Variants in BAHCC1 observed in about 807,000 individuals in gnomAD.
BAHCC1 encodes BAH domain and coiled-coil containing 1.
A neutral mutation model predicts 88.2 loss-of-function variants in BAHCC1; 43 were observed. That is an observed-to-expected ratio of 0.49 (90% CI 0.38 to 0.63). The LOEUF (loss-of-function observed/expected upper bound fraction) is 0.63, where lower values mean the gene tolerates loss of function less well. Ranked by LOEUF, BAHCC1 falls within the 20% of genes least tolerant of loss-of-function variation. The pLI is 0.00. For missense variants in BAHCC1, 3,023 were observed against 1,654.8 expected (o/e 1.83, Z -14.34); for synonymous variants, 1,510 against 745.5 (o/e 2.03, Z -16.71).
chr17:81,460,732 C>G, intron 25 of BAHCC1, 26 bp downstream of exon 25: 1 of 775,960 alleles, frequency 1.3e-6, no homozygotes, highest in South Asian at 1.3e-5. Context: ...TCCCAGAATC[C>G]GGATCGGGGA....
intron 3 of BAHCC1, among the ~76,000 whole-genome samples, chr17:81,429,058 C>T (rs1240254806): frequency 6.6e-6 from 1 of 152,204 alleles, no homozygotes; most frequent in Non-Finnish European, 1.5e-5. Context: ...GGAGGTTCAC[C>T]TGTCCACCCT....
intron 4 of BAHCC1, among the ~76,000 whole-genome samples, chr17:81,440,602 G>A (rs980917195): frequency 6.6e-6 from 1 of 152,192 alleles, no homozygotes; most frequent in African/African-American, 2.4e-5. Context: ...CACCCCCAGG[G>A]TCCCCAGAGG....
In BAHCC1 at chr17:81,444,684, C is replaced by T. The variant is rs782616891; in HGVS notation, c.2529C>T (p.Ala843=). 6 of 774,476 alleles carry T rather than the reference C, an allele frequency of 7.7e-6. No individual in the cohort carries two copies. The highest frequency in any genetic ancestry group is 1.2e-5 in the Non-Finnish European group (5 of 417,644). The allele number at this position is 774,476 out of a possible 1,614,324, so 48.0% of individuals were successfully genotyped here. A position where few individuals can be genotyped will look rare whatever the true frequency, so the allele number is the denominator to read the frequency against. Residue 843 remains alanine (A), a synonymous_variant, in exon 8 of 28, where the codon GCC becomes GCT. Coordinates refer to ENST00000675386, the MANE Select transcript of BAHCC1 (RefSeq NM_001377448.1). The part of the protein sequence containing the change: ...GGHSYGLGHP[A]LHQNLPPGFP... ...GCCTCCCAGGCCTGGGGCACCCTGC[C>T]CTGCACCAGAACCTGCCCCCCGGCT...
chr17:81,440,163 A>AGCCCCGCAG (rs1555652275), intron 4 of BAHCC1, among the ~76,000 whole-genome samples: 1 of 152,184 alleles, frequency 6.6e-6, no homozygotes, highest in Admixed American at 6.5e-5. Flanking sequence ...CCCAGAGGAC[A>AGCCCCGCAG]GCCCCGCAGG....
chr17:81,446,097 G>T (rs1555654260), intron 10 of BAHCC1, among the ~76,000 whole-genome samples: 3 of 152,094 alleles, frequency 2.0e-5, no homozygotes, highest in Non-Finnish European at 1.5e-5. Context: ...TGGGTGGGGG[G>T]GTCTCGGGCC....
intron 4 of BAHCC1, among the ~76,000 whole-genome samples, chr17:81,441,256 T>C (rs1290141491): frequency 1.3e-5 from 2 of 152,132 alleles, no homozygotes; most frequent in African/African-American, 4.8e-5. Flanking sequence ...GTTCTGGCCA[T>C]GGATGCTCGT....
chr17:81,398,202 G>A (rs967061815), intron 1 of BAHCC1, among the ~76,000 whole-genome samples: 4 of 152,230 alleles, frequency 2.6e-5, no homozygotes, highest in African/African-American at 4.8e-5. Context: ...GGAGTAATAT[G>A]TGAAGTGCGT....
intron 2 of BAHCC1, chr17:81,407,448 C>T (rs1020318804): frequency 1.4e-5 from 7 of 514,040 alleles, no homozygotes; most frequent in Non-Finnish European, 2.7e-5. Flanking sequence ...TCCCCTGAGA[C>T]TTCTGCAACC....
chr17:81,448,053 G>A (rs1295828020), intron 11 of BAHCC1, among the ~76,000 whole-genome samples: 4 of 152,202 alleles, frequency 2.6e-5, no homozygotes, highest in South Asian at 2.1e-4. Flanking sequence ...GAATCTCTCC[G>A]TCCCAGGTGG....
chr17:81,403,937 G>A (rs1016136629), intron 2 of BAHCC1, among the ~76,000 whole-genome samples: 4 of 152,238 alleles, frequency 2.6e-5, no homozygotes, highest in African/African-American at 9.6e-5. Flanking sequence ...ATCCCGGTAC[G>A]GAGCCGCCGC....
chr17:81,442,845 C>T lies in BAHCC1; in HGVS notation c.1496C>T (p.Ser499Phe), dbSNP rs2064448533. Residue 499 changes from serine to phenylalanine, a missense_variant, in exon 5 of 28, where the codon TCT becomes TTT. Coordinates refer to ENST00000675386, the MANE Select transcript of BAHCC1 (RefSeq NM_001377448.1). ...DKSGYFELPT[S>F]SQDCARPGHQ... is the part of the protein sequence containing the mutation. ...AGCGGCTACTTCGAGTTGCCCACCT[C>T]TTCACAGGACTGTGCCCGGCCTGGT... The T allele has an allele frequency of 1.3e-6, 1 of 779,408 alleles. No homozygotes were observed. The highest frequency in any genetic ancestry group is 1.7e-5 in the African/African-American group (1 of 59,164). 48.3% of individuals were successfully genotyped at this position (779,408 alleles called of 1,614,324 possible).
rs1257499204 is a variant in BAHCC1, at chr17:81,462,637, G to GACTCAC, written c.7384-94_7384-89dup. ...TGGGCGCCCTGCACACTCACACTCA[G>GACTCAC]ACTCACACTCACACCCACACCACAC... is the stretch of plus-strand genomic sequence containing the variant. On this transcript the variant is annotated intron_variant, in intron 26 of 27. Transcript: ENST00000675386. 5 of 651,140 alleles carry GACTCAC rather than the reference G, an allele frequency of 7.7e-6. No individual in the cohort carries two copies. The East Asian group carries it at 1.3e-4, about 17-fold the overall frequency. The allele number at this position is 651,140 out of a possible 1,614,324, so 40.3% of individuals were successfully genotyped here.
rs557319760 is a variant in BAHCC1, at chr17:81,435,671, C to G, written c.359-2699C>G. On this transcript the variant is annotated intron_variant, in intron 3 of 27. Transcript: ENST00000675386. The surrounding 1 kb of genome is among the most constrained non-coding windows in gnomAD (Gnocchi z 4.4). ...GCTGAGCCCTCTTGGTCTCTGGCCC[C>G]GGAATGTCCCCTCCCTGCCATCTGG... 6.6e-6 allele frequency among the ~76,000 whole-genome samples: 1 copy of G among 152,076 alleles called. No individual in the cohort carries two copies. Among genetic ancestry groups the G allele is most frequent in the African/African-American group, 2.4e-5 (1 of 41,384 alleles).
rs983156320 is a variant in BAHCC1 at position 81,434,705 on chromosome 17, T to C, written c.359-3665T>C. ...TCCTGAGAGACCCAGGAGCAGCCCC[T>C]GGTTTTCCACGGCAGGGATGCTCCC... On this transcript the variant is annotated intron_variant, in intron 3 of 27. Coordinates refer to ENST00000675386, the MANE Select transcript of BAHCC1 (RefSeq NM_001377448.1). This position sits in a 1 kb window ranked among gnomAD's most constrained non-coding sequence, Gnocchi z 4.9. Among the ~76,000 whole-genome samples, 63 of 152,128 alleles carry C rather than the reference T, an allele frequency of 4.1e-4. No individual in the cohort carries two copies. The highest frequency in any genetic ancestry group is 1.4e-3 in the African/African-American group (59 of 41,488).
In BAHCC1 at chr17:81,434,560, G is replaced by A. The variant is rs2064310527; in HGVS notation, c.359-3810G>A. Among the ~76,000 whole-genome samples, 1 of 152,142 alleles carries A rather than the reference G, an allele frequency of 6.6e-6. No individual in the cohort carries two copies. The highest frequency in any genetic ancestry group is 1.5e-5 in the Non-Finnish European group (1 of 68,000). On this transcript the variant is annotated intron_variant, in intron 3 of 27. Transcript: ENST00000675386. The surrounding 1 kb of genome is among the most constrained non-coding windows in gnomAD (Gnocchi z 4.9). ...GGCCCTGAGCTCTGTGGCCCCAAGT[G>A]GGGCTTCCTGGGTGACCCTGCAGTG...
intron 6 of BAHCC1, 132 bp downstream of exon 6, chr17:81,444,049 T>C (rs927074175): frequency 1.1e-4 from 68 of 636,012 alleles, no homozygotes; most frequent in Middle Eastern, 8.2e-4. Flanking sequence ...GTGGGTGGGG[T>C]TCTCCCCACC....
At chr17:81,419,096 A>G (rs1208834694) in intron 2 of BAHCC1, among the ~76,000 whole-genome samples, 11 of 151,952 alleles carry the variant, frequency 7.2e-5, no homozygotes, top group African/African-American at 2.7e-4. Flanking sequence ...GAGCCTGCAA[A>G]CACCTGCACA....
rs578138049 is a variant in BAHCC1 at position 81,435,298 on chromosome 17, G to A, written c.359-3072G>A. On this transcript the variant is annotated intron_variant, in intron 3 of 27. Transcript: ENST00000675386. The surrounding 1 kb of genome is among the most constrained non-coding windows in gnomAD (Gnocchi z 4.4). ...TTTACTAACCCATCAGGTGCCTGTG[G>A]CTTTGAGCCTCTGTCTCCTGCAGTC... 6.6e-6 allele frequency among the ~76,000 whole-genome samples: 1 copy of A among 152,274 alleles called. No homozygotes were observed. The highest frequency in any genetic ancestry group is 1.9e-4 in the East Asian group (1 of 5,170).
At chr17:81,430,090 C>G (rs1242531957) in intron 3 of BAHCC1, among the ~76,000 whole-genome samples, 5 of 151,898 alleles carry the variant, frequency 3.3e-5, no homozygotes, top group Admixed American at 2.6e-4. Context: ...GGGCGGGAGG[C>G]GGAACTGGCC....
Sources: allele counts gnomAD v4.1 joint callset (sites outside exome capture counted in the v4.1 genomes callset), GRCh38; gene constraint gnomAD v4.1.1; non-coding constraint Gnocchi (gnomAD v3.1); transcripts MANE v1.5; gene names NCBI Gene and HGNC (gene_info 2026-07-23, HGNC 2026-07-21).